Variants in CDIN1 observed in about 807,000 individuals in gnomAD.
The protein encoded by CDIN1 is CDAN1 interacting nuclease 1.
Under a neutral mutation model 45.3 loss-of-function variants are expected in CDIN1, and 33 were observed. The observed-to-expected ratio is 0.73, with a 90% CI of 0.55 to 0.97. CDIN1 has a LOEUF of 0.97. Ranked by LOEUF, CDIN1 falls within the 50% of genes least tolerant of loss-of-function variation. The pLI is 0.00. For synonymous variants in CDIN1, 118 were observed against 124.4 expected (o/e 0.95, Z 0.34); for missense variants, 303 against 339.4 (o/e 0.89, Z 0.84).
intron 1 of CDIN1, among the ~76,000 whole-genome samples, chr15:36,620,329 C>G (rs968939342): frequency 6.6e-6 from 1 of 151,200 alleles, no homozygotes; most frequent in African/African-American, 2.4e-5. Flanking sequence ...CCAGCCTGGG[C>G]GACAAAGCGA....
At chr15:36,752,821 C>T (rs1006604846) in intron 10 of CDIN1, among the ~76,000 whole-genome samples, 5 of 152,124 alleles carry the variant, frequency 3.3e-5, no homozygotes, top group African/African-American at 4.8e-5. Context: ...TATCTAAAAA[C>T]GCATCTTACT....
intron 1 of CDIN1, chr15:36,613,531 G>A: frequency 6.5e-7 from 1 of 1,531,372 alleles, no homozygotes; most frequent in Non-Finnish European, 8.9e-7. Flanking sequence ...TGCAGCAGCA[G>A]GCAGATGATG....
chr15:36,614,748 G>A (rs1435787348), intron 1 of CDIN1, among the ~76,000 whole-genome samples: 1 of 152,202 alleles, frequency 6.6e-6, no homozygotes, highest in African/African-American at 2.4e-5. Context: ...GTGATTCCAG[G>A]AGGAGTTAGC....
chr15:36,618,727 G>A (rs1321215305), intron 1 of CDIN1: 13 of 776,714 alleles, frequency 1.7e-5, no homozygotes, highest in Non-Finnish European at 3.1e-5. Flanking sequence ...TTCTCCATGT[G>A]CAGCTGAGCC....
At position 36,709,981 on chromosome 15, in the gene CDIN1, C is replaced by T; in HGVS notation, c.716+20C>T. On this transcript the variant is annotated intron_variant, in intron 10 of 10. Transcript: ENST00000566621. Reference sequence around the variant, plus strand: ...GAATAGGTAAGGTCTCATTATTTTTCTTTTAAGATAAACGATACTCAGCTG... The same window carrying T: ...GAATAGGTAAGGTCTCATTATTTTTTTTTTAAGATAAACGATACTCAGCTG... The T allele has an allele frequency of 1.3e-6, 2 of 1,559,162 alleles. No homozygotes were observed. The highest frequency in any genetic ancestry group is 1.7e-5 in the Admixed American group (1 of 57,320).
At chr15:36,612,852 G>A (rs1015002787) in intron 1 of CDIN1, among the ~76,000 whole-genome samples, 2 of 152,078 alleles carry the variant, frequency 1.3e-5, no homozygotes, top group Non-Finnish European at 2.9e-5. Flanking sequence ...TTTTAGTCTG[G>A]ACATAAACAT....
rs185317308 is a variant in CDIN1, at chr15:36,757,563, G to A, written c.716+47602G>A. On this transcript the variant is annotated intron_variant, in intron 10 of 10. Transcript: ENST00000566621. ...ACTGATAAGTTTTAAGTTGAGCACC[G>A]TTCTGAGGAGCGTGATGAAACCTCA... 4.2e-3 allele frequency among the ~76,000 whole-genome samples: 635 copies of A among 152,260 alleles called. 3 individuals are homozygous for A. The highest frequency in any genetic ancestry group is 0.014 in the African/African-American group (583 of 41,542).
At chr15:36,641,931 C>T (rs2140395261) in intron 1 of CDIN1, 1 of 152,400 alleles carries the variant, frequency 6.6e-6, no homozygotes. Context: ...CTCCTCTCCT[C>T]TTTAGCTGGC....
chr15:36,675,282 A>T (rs2041606451), intron 5 of CDIN1, among the ~76,000 whole-genome samples: 1 of 152,054 alleles, frequency 6.6e-6, no homozygotes, highest in African/African-American at 2.4e-5. Flanking sequence ...TAATTTCTTC[A>T]GTTCTTAAAA....
At chr15:36,773,848 G>C (rs553301537) in intron 10 of CDIN1, among the ~76,000 whole-genome samples, 1 of 152,320 alleles carries the variant, frequency 6.6e-6, no homozygotes, top group East Asian at 1.9e-4. Flanking sequence ...AGGTGCTCCT[G>C]TAATGTCAGC....
rs189818859 is a variant in CDIN1, at chr15:36,805,043, A to G, written c.717-3281A>G. 3.1e-4 allele frequency among the ~76,000 whole-genome samples: 47 copies of G among 152,064 alleles called. 1 individual carries two copies. In the East Asian group the frequency reaches 8.9e-3, roughly 29 times the overall value. ...GAAAAACCTCATCTTTCTTGCCTTC[A>G]TGGTCTGTGATGGCTCTTGGCTTTC... On this transcript the variant is annotated intron_variant, in intron 10 of 10. Coordinates refer to ENST00000566621, the MANE Select transcript of CDIN1 (RefSeq NM_001321759.2).
chr15:36,775,402 G>A (rs1035101103), intron 10 of CDIN1, among the ~76,000 whole-genome samples: 2 of 152,198 alleles, frequency 1.3e-5, no homozygotes, highest in Admixed American at 1.3e-4. Context: ...CTGTTAACCA[G>A]AATTCTCGGC....
chr15:36,619,161 TG>T, intron 1 of CDIN1: 3 of 1,188,100 alleles, frequency 2.5e-6, no homozygotes, highest in African/African-American at 1.5e-5. Flanking sequence ...GGGGAGCAGC[TG>T]GAAAAATCAG....
chr15:36,794,207 C>G (rs1027210650), intron 10 of CDIN1, among the ~76,000 whole-genome samples: 14 of 151,830 alleles, frequency 9.2e-5, no homozygotes, highest in African/African-American at 3.4e-4. Flanking sequence ...TACAGGCGCC[C>G]GCCACCACGC....
chr15:36,593,973 G>T (rs1046216826), intron 1 of CDIN1, among the ~76,000 whole-genome samples: 1 of 152,184 alleles, frequency 6.6e-6, no homozygotes, highest in Admixed American at 6.5e-5. Flanking sequence ...AAAAAGAATG[G>T]ATTGATTATT....
chr15:36,647,711 C>T (rs1566864041), intron 3 of CDIN1: 3 of 152,020 alleles, frequency 2.0e-5, no homozygotes, highest in Non-Finnish European at 4.4e-5. Context: ...TAGAATAAAG[C>T]CAAATTGTAT....
intron 1 of CDIN1, among the ~76,000 whole-genome samples, chr15:36,598,905 C>T (rs757575282): frequency 2.0e-5 from 3 of 152,042 alleles, no homozygotes; most frequent in Non-Finnish European, 4.4e-5. Flanking sequence ...CTTTCTTTTG[C>T]TTTCTATTTG....
chr15:36,735,686 A>T (rs78836706), intron 10 of CDIN1, among the ~76,000 whole-genome samples: 5,715 of 151,520 alleles, frequency 0.038, 384 homozygotes, highest in African/African-American at 0.13. Flanking sequence ...AGACTGTAAG[A>T]TAAGTGAAGA....
chr15:36,754,143 C>T (rs1205046435), intron 10 of CDIN1, among the ~76,000 whole-genome samples: 2 of 152,150 alleles, frequency 1.3e-5, no homozygotes, highest in African/African-American at 4.8e-5. Flanking sequence ...CCTCTTCTCC[C>T]ACAGTGGCCC....
Sources: allele counts gnomAD v4.1 joint callset (sites outside exome capture counted in the v4.1 genomes callset), GRCh38; gene constraint gnomAD v4.1.1; transcripts MANE v1.5; gene names NCBI Gene and HGNC (gene_info 2026-07-23, HGNC 2026-07-21).